The following SPIDR variants were observed in gnomAD, a reference collection of about 807,000 sequenced individuals.
SPIDR encodes DNA repair-scaffolding protein.
A neutral mutation model predicts 104.6 loss-of-function variants in SPIDR; 93 were observed. The observed-to-expected ratio is 0.89, with a 90% CI of 0.75 to 1.06. The LOEUF is 1.06. Ranked by LOEUF, SPIDR falls within the 50% of genes least tolerant of loss-of-function variation. SPIDR has a pLI of 0.00. For missense variants in SPIDR, 1,154 were observed against 1,111.2 expected (o/e 1.04, Z -0.55); for synonymous variants, 431 against 416.9 (o/e 1.03, Z -0.41).
chr8:47,412,768 C>G (rs1442111207), intron 7 of SPIDR, among the ~76,000 whole-genome samples: 1 of 152,196 alleles, frequency 6.6e-6, no homozygotes, highest in Non-Finnish European at 1.5e-5. Context: ...TATTTAACCT[C>G]TCAAATGTGA....
intron 16 of SPIDR, among the ~76,000 whole-genome samples, chr8:47,715,376 C>T (rs770118239): frequency 3.9e-5 from 6 of 151,994 alleles, no homozygotes; most frequent in Admixed American, 6.6e-5. Context: ...AAGGTTTCAC[C>T]ATGTTGGCCA....
intron 6 of SPIDR, 35 bp from the exon 7 acceptor site, chr8:47,407,826 T>C (rs1588301335): frequency 2.2e-6 from 3 of 1,355,196 alleles, no homozygotes; most frequent in African/African-American, 1.4e-5. Flanking sequence ...GTTTTCCTTT[T>C]AACTAAACTT....
At chr8:47,703,989 G>A (rs900307354) in intron 14 of SPIDR, among the ~76,000 whole-genome samples, 4 of 152,212 alleles carry the variant, frequency 2.6e-5, no homozygotes, top group South Asian at 2.1e-4. Flanking sequence ...ACATATGATC[G>A]TCATATGAAA....
rs567114425 is a variant in SPIDR at position 47,573,151 on chromosome 8, C to T, written c.1098-22660C>T. Among the ~76,000 whole-genome samples the T allele has an allele frequency of 1.1e-4, 16 of 152,276 alleles. No individual in the cohort carries two copies. The East Asian group carries it at 3.1e-3, about 29-fold the overall frequency. Reference sequence around the variant, plus strand: ...TCTAAATTATAAATCAGAAAGTCTACACAGTGAAGTTACGAGTGAAAAGTC... The same window carrying T: ...TCTAAATTATAAATCAGAAAGTCTATACAGTGAAGTTACGAGTGAAAAGTC... On this transcript the variant is annotated intron_variant, in intron 8 of 19. Coordinates refer to ENST00000297423, the MANE Select transcript of SPIDR (RefSeq NM_001080394.4).
chr8:47,725,395 T>C (rs2084070427), intron 16 of SPIDR, among the ~76,000 whole-genome samples: 2 of 152,172 alleles, frequency 1.3e-5, no homozygotes, highest in South Asian at 4.1e-4. Context: ...TCTTTTGTTT[T>C]TGTTTTTGTT....
At chr8:47,696,501 T>C (rs941697615) in intron 11 of SPIDR, among the ~76,000 whole-genome samples, 2 of 152,242 alleles carry the variant, frequency 1.3e-5, no homozygotes, top group Non-Finnish European at 2.9e-5. Flanking sequence ...GCTCTGTCTT[T>C]GTAAATTTTT....
At chr8:47,734,351 A>T (rs1012920351) in intron 19 of SPIDR, among the ~76,000 whole-genome samples, 1 of 152,136 alleles carries the variant, frequency 6.6e-6, no homozygotes, top group Non-Finnish European at 1.5e-5. Context: ...GCTCAAACTC[A>T]GGGAAAGGCA....
At chr8:47,288,337 G>A (rs2039260579) in intron 3 of SPIDR, among the ~76,000 whole-genome samples, 1 of 151,632 alleles carries the variant, frequency 6.6e-6, no homozygotes, top group South Asian at 2.1e-4. Flanking sequence ...CCAGGCTAGA[G>A]TACAGTGGTG....
chr8:47,730,094 G>T (rs1461851749), intron 19 of SPIDR, among the ~76,000 whole-genome samples: 1 of 152,128 alleles, frequency 6.6e-6, no homozygotes, highest in African/African-American at 2.4e-5. Context: ...TTAATAGGAT[G>T]GAATTCCCCA....
chr8:47,336,866 C>T (rs1416310411), intron 5 of SPIDR, among the ~76,000 whole-genome samples: 1 of 152,150 alleles, frequency 6.6e-6, no homozygotes, highest in African/African-American at 2.4e-5. Context: ...TCTGAAGTGG[C>T]TGCACTGTTC....
rs782659313 is a variant in SPIDR, at chr8:47,440,520, A to G, written c.1075A>G (p.Thr359Ala). Residue 359 changes from threonine to alanine, a missense_variant, in exon 8 of 20, where the codon ACT becomes GCT. By Grantham distance (58) the Thr-to-Ala change is moderately conservative (BLOSUM62 0). Transcript: ENST00000297423. ...AGYLRGRPQD[T>A]VRIFPPWQKL... The stretch of plus-strand genomic sequence containing the variant: ...CTACCTCAGGGGCCGTCCCCAGGAC[A>G]CTGTCCGGATCTTCCCTCCCTGGTG... The G allele has an allele frequency of 1.2e-5, 19 of 1,614,062 alleles. No homozygotes were observed. In the South Asian group the frequency reaches 1.2e-4, roughly 10 times the overall value.
intron 2 of SPIDR, 137 bp downstream of exon 2, chr8:47,280,154 C>A: frequency 1.4e-6 from 1 of 702,988 alleles, no homozygotes; most frequent in Non-Finnish European, 2.1e-6. Flanking sequence ...CCTTTTCTTG[C>A]CTTTCATTCC....
chr8:47,469,289 T>A (rs1278981164), intron 8 of SPIDR, among the ~76,000 whole-genome samples: 2 of 152,202 alleles, frequency 1.3e-5, no homozygotes, highest in Non-Finnish European at 2.9e-5. Context: ...GTATTGCCAT[T>A]CCTGTGGAAA....
Position 47,700,475 on chromosome 8 carries a change from C to G in SPIDR, c.1758C>G (p.Asp586Glu). ...TACCTCTGAAAACACCTGGCCGCGA[C>G]CAGCCCTGTGAAGAGGTAAGCCCGG... The part of the protein sequence containing the change: ...PAIPLKTPGR[D>E]QPCEEIKTHL... Residue 586 changes from aspartate to glutamate, a missense_variant, in exon 12 of 20, where the codon GAC becomes GAG. Physicochemically the swap from Asp to Glu is conservative, Grantham distance 45 (BLOSUM62 2). Transcript: ENST00000297423. The G allele has an allele frequency of 6.2e-7, 1 of 1,614,206 alleles. No homozygotes were observed. The highest frequency in any genetic ancestry group is 1.1e-5 in the South Asian group (1 of 91,090).
intron 8 of SPIDR, among the ~76,000 whole-genome samples, chr8:47,485,765 A>G (rs2077510834): frequency 6.6e-6 from 1 of 152,224 alleles, no homozygotes; most frequent in African/African-American, 2.4e-5. Context: ...GACCTCCAGC[A>G]AACTCCAACA....
chr8:47,516,905 T>A (rs941306596), intron 8 of SPIDR, among the ~76,000 whole-genome samples: 1 of 152,202 alleles, frequency 6.6e-6, no homozygotes, highest in Non-Finnish European at 1.5e-5. Context: ...CATGGGAGTT[T>A]CAGTTTCTCC....
At chr8:47,358,575 C>G (rs782603422) in intron 5 of SPIDR, among the ~76,000 whole-genome samples, 1 of 152,144 alleles carries the variant, frequency 6.6e-6, no homozygotes, top group Admixed American at 6.5e-5. Flanking sequence ...GCTAAGATCT[C>G]TCTACAGCTT....
At chr8:47,605,275 G>A (rs932584354) in intron 10 of SPIDR, among the ~76,000 whole-genome samples, 2 of 152,172 alleles carry the variant, frequency 1.3e-5, no homozygotes, top group Admixed American at 1.3e-4. Context: ...GTACTGCAAA[G>A]TCTAATAAAG....
At chr8:47,445,310 G>A (rs782741305) in intron 8 of SPIDR, among the ~76,000 whole-genome samples, 12 of 152,200 alleles carry the variant, frequency 7.9e-5, no homozygotes, top group South Asian at 6.2e-4. Flanking sequence ...ATGGTGATCC[G>A]TGATAAGTGA....
Sources: allele counts gnomAD v4.1 joint callset (sites outside exome capture counted in the v4.1 genomes callset), GRCh38; gene constraint gnomAD v4.1.1; transcripts MANE v1.5; gene names NCBI Gene and HGNC (gene_info 2026-07-23, HGNC 2026-07-21).